PRR16: variants seen among roughly 807,000 people sequenced by gnomAD.
PRR16 encodes the protein protein Largen.
In PRR16, 6 loss-of-function variants were observed where a neutral mutation model predicts 18.2. That is an observed-to-expected ratio of 0.33 (90% CI 0.18 to 0.65). The LOEUF is 0.65. Ranked by LOEUF, PRR16 falls within the 30% of genes least tolerant of loss-of-function variation. The probability of loss-of-function intolerance (pLI) is 0.74; values close to 1 mark genes in which losing one functional copy is unlikely to be tolerated. For synonymous variants in PRR16, 151 were observed against 147.8 expected (o/e 1.02, Z -0.16); for missense variants, 412 against 376.6 (o/e 1.09, Z -0.78).
At chr5:120,474,376 G>GTTTC (rs2112802179) in intron 1 of PRR16, among the ~76,000 whole-genome samples, 1 of 152,140 alleles carries the variant, frequency 6.6e-6, no homozygotes, top group East Asian at 1.9e-4. Context: ...ATGTGACAAT[G>GTTTC]GAAAATGTTT....
At chr5:120,622,959 C>T (rs1256474678) in intron 1 of PRR16, among the ~76,000 whole-genome samples, 2 of 151,986 alleles carry the variant, frequency 1.3e-5, no homozygotes, top group Non-Finnish European at 2.9e-5. Context: ...GTGTAATTTT[C>T]TACTTATAAA....
chr5:120,719,587 G>A, the PRR16 span, among the ~76,000 whole-genome samples: 87 of 152,132 alleles, frequency 5.7e-4, 1 homozygote, highest in African/African-American at 1.8e-3. Flanking sequence ...TGAATAGTAC[G>A]ATGATTTGTG....
intron 1 of PRR16, among the ~76,000 whole-genome samples, chr5:120,568,949 C>A (rs1442203079): frequency 6.6e-6 from 1 of 152,062 alleles, no homozygotes; most frequent in African/African-American, 2.4e-5. Context: ...TCTCTCAAAG[C>A]TTTGAGTATA....
chr5:120,683,102 G>C (rs1014430773), intron 1 of PRR16, among the ~76,000 whole-genome samples: 1 of 152,032 alleles, frequency 6.6e-6, no homozygotes, highest in Admixed American at 6.6e-5. Flanking sequence ...AGAGAGATTG[G>C]GAACAGAAAT....
At chr5:120,654,555 A>C (rs1291940082) in intron 1 of PRR16, among the ~76,000 whole-genome samples, 1 of 151,986 alleles carries the variant, frequency 6.6e-6, no homozygotes, top group Non-Finnish European at 1.5e-5. Flanking sequence ...AAAGCTAAAA[A>C]AAATCTCAAA....
intron 1 of PRR16, among the ~76,000 whole-genome samples, chr5:120,626,534 T>G (rs1754871260): frequency 6.6e-6 from 1 of 152,128 alleles, no homozygotes; most frequent in Non-Finnish European, 1.5e-5. Context: ...TTGCAATGGT[T>G]GCACAAACCT....
At chr5:120,776,869 T>C in the PRR16 span, among the ~76,000 whole-genome samples, 2 of 152,124 alleles carry the variant, frequency 1.3e-5, no homozygotes, top group Admixed American at 6.5e-5. Context: ...ATTCTTATTA[T>C]TGTTGATTAA....
rs560395529 is a variant in PRR16 at position 120,632,816 on chromosome 5, A to G, written c.160-53138A>G. On this transcript the variant is annotated intron_variant, in intron 1 of 1. Transcript: ENST00000407149. ...GTTTGGAAAACATATTTGAAGGAAT[A>G]ATTGAGAAACACTTTCTTGGCTTTT... Among the ~76,000 whole-genome samples the G allele has an allele frequency of 1.5e-3, 229 of 152,344 alleles. 2 individuals are homozygous for G. The highest frequency in any genetic ancestry group is 3.7e-3 in the South Asian group (18 of 4,830).
chr5:120,775,751 C>G, the PRR16 span, among the ~76,000 whole-genome samples: 1 of 150,830 alleles, frequency 6.6e-6, no homozygotes, highest in African/African-American at 2.4e-5. Context: ...CAGCCTCAGC[C>G]TCCCGAGTAG....
At chr5:120,643,906 G>A (rs1047674952) in intron 1 of PRR16, among the ~76,000 whole-genome samples, 1 of 152,120 alleles carries the variant, frequency 6.6e-6, no homozygotes, top group Non-Finnish European at 1.5e-5. Context: ...TCAGGAAGCT[G>A]AGACAGGAAA....
chr5:120,572,087 C>A (rs1328147601), intron 1 of PRR16, among the ~76,000 whole-genome samples: 2 of 152,142 alleles, frequency 1.3e-5, no homozygotes, highest in Admixed American at 1.3e-4. Flanking sequence ...TGTCTTAAGA[C>A]CTAGATCTAG....
chr5:120,507,521 G>A (rs1400995478), intron 1 of PRR16, among the ~76,000 whole-genome samples: 3 of 152,062 alleles, frequency 2.0e-5, no homozygotes, highest in Admixed American at 6.6e-5. Context: ...ACAGAAAAGT[G>A]TGATTCCTTC....
At chr5:120,551,416 C>T (rs894264337) in intron 1 of PRR16, among the ~76,000 whole-genome samples, 8 of 151,988 alleles carry the variant, frequency 5.3e-5, no homozygotes, top group African/African-American at 1.9e-4. Flanking sequence ...GTTGTGAGAC[C>T]GTTAGCCGGT....
At chr5:120,619,298 G>T (rs1192875062) in intron 1 of PRR16, among the ~76,000 whole-genome samples, 3 of 152,036 alleles carry the variant, frequency 2.0e-5, no homozygotes, top group Non-Finnish European at 2.9e-5. Context: ...TTAACTGTTT[G>T]AGCTGAGTTC....
intron 1 of PRR16, among the ~76,000 whole-genome samples, chr5:120,521,902 A>G (rs569065781): frequency 2.0e-5 from 3 of 152,092 alleles, no homozygotes; most frequent in East Asian, 3.9e-4. Flanking sequence ...ATTCCCACCT[A>G]TGAGTGAGAA....
chr5:120,511,419 T>C (rs959075001), intron 1 of PRR16, among the ~76,000 whole-genome samples: 1 of 152,174 alleles, frequency 6.6e-6, no homozygotes, highest in Non-Finnish European at 1.5e-5. Flanking sequence ...TTTATTTTAG[T>C]CACGTTATAG....
At chr5:120,556,400 C>T (rs548477618) in intron 1 of PRR16, among the ~76,000 whole-genome samples, 2 of 151,798 alleles carry the variant, frequency 1.3e-5, no homozygotes, top group African/African-American at 2.4e-5. Context: ...TCGACTTTTA[C>T]GTTGATAATT....
chr5:120,630,238 G>C (rs549489268), intron 1 of PRR16, among the ~76,000 whole-genome samples: 2 of 150,998 alleles, frequency 1.3e-5, no homozygotes, highest in South Asian at 4.2e-4. Context: ...ATTTTGTCTT[G>C]TTCATTTTCT....
At chr5:120,747,567 T>C in the PRR16 span, among the ~76,000 whole-genome samples, 5 of 152,044 alleles carry the variant, frequency 3.3e-5, no homozygotes, top group Non-Finnish European at 5.9e-5. Flanking sequence ...AGGAGCAACA[T>C]TGTGTGTTAA....
Sources: gnomAD v4.1 joint callset for allele counts (sites outside exome capture counted in the v4.1 genomes callset) on GRCh38, gnomAD v4.1.1 for gene constraint, MANE v1.5 for transcripts, NCBI Gene and HGNC (gene_info 2026-07-23, HGNC 2026-07-21) for gene names.